STK10: variants seen among roughly 807,000 people sequenced by gnomAD.
STK10 encodes serine/threonine kinase 10.
STK10 carries 78 observed loss-of-function variants against 113.8 expected under a neutral mutation model. The observed-to-expected ratio is 0.69, with a 90% CI of 0.57 to 0.83. The LOEUF (loss-of-function observed/expected upper bound fraction) is 0.83, where lower values mean the gene tolerates loss of function less well. STK10 is among the 40% of genes least tolerant of loss of function. The pLI is 0.00. For synonymous variants in STK10, 465 were observed against 494.7 expected (o/e 0.94, Z 0.80); for missense variants, 1,109 against 1,280.1 (o/e 0.87, Z 2.04).
At position 172,161,631 on chromosome 5, in the gene STK10, T is replaced by C. The variant is rs181448784; in HGVS notation, c.157-4843A>G. Among the ~76,000 whole-genome samples, 78 of 152,296 alleles carry C rather than the reference T, an allele frequency of 5.1e-4. 2 individuals are homozygous for C. Among genetic ancestry groups the C allele is most frequent in the Admixed American group, 4.4e-3 (68 of 15,296 alleles). On this transcript the variant is annotated intron_variant, in intron 1 of 18. Transcript: ENST00000176763. ...GCCATTTGTCATATTATGTCATTGATAATAATATGTTGGAGTGGACCCTTG... is the reference window on the plus strand; with the variant it reads ...GCCATTTGTCATATTATGTCATTGACAATAATATGTTGGAGTGGACCCTTG...
Position 172,093,660 on chromosome 5 carries a change from C to T in STK10, c.1306G>A (p.Asp436Asn), listed in dbSNP as rs1298881381. The T allele has an allele frequency of 1.9e-6, 3 of 1,614,242 alleles. No homozygotes were observed. The highest frequency in any genetic ancestry group is 2.7e-5 in the African/African-American group (2 of 75,066). Residue 436 changes from aspartate (D) to asparagine (N), a missense_variant, in exon 9 of 19, where the codon GAC (aspartate) becomes AAC (asparagine). This residue lies in a region of STK10 where 885 missense variants were observed against 991.1 expected (regional missense o/e 0.89). Coordinates refer to ENST00000176763, the MANE Select transcript of STK10 (RefSeq NM_005990.4). The surrounding 1 kb of genome is among the most constrained non-coding windows in gnomAD (Gnocchi z 4.1). ...GATCTGTTGGCTGCTGGGCTGAGGT[C>T]CCCACCCTGCTCAGCAACTTGCTTC... Reference protein sequence around the residue: ...QEKQVAEQGGDLSPAANRSQK... With the variant: ...QEKQVAEQGGNLSPAANRSQK...
chr5:172,098,371 A>G (rs17074314), intron 7 of STK10, among the ~76,000 whole-genome samples: 2,808 of 152,260 alleles, frequency 0.018, 86 homozygotes, highest in African/African-American at 0.064. Flanking sequence ...GCTGAGACCC[A>G]AGGGAAAGAT....
At chr5:172,077,060 C>T (rs1011203186) in intron 12 of STK10, among the ~76,000 whole-genome samples, 4 of 152,198 alleles carry the variant, frequency 2.6e-5, no homozygotes, top group Admixed American at 6.5e-5. Flanking sequence ...CAGTATCCCC[C>T]GAGGACATTC....
At chr5:172,126,187 A>G (rs2113786683) in intron 3 of STK10, among the ~76,000 whole-genome samples, 1 of 152,304 alleles carries the variant, frequency 6.6e-6, no homozygotes, top group South Asian at 2.1e-4. Context: ...AGGATGGGCC[A>G]TGGTCCATGG....
intron 1 of STK10, among the ~76,000 whole-genome samples, chr5:172,180,917 A>G (rs1022242967): frequency 2.0e-5 from 3 of 152,226 alleles, no homozygotes; most frequent in Non-Finnish European, 4.4e-5. Context: ...CTCCAACACC[A>G]TCAACATACC....
intron 4 of STK10, among the ~76,000 whole-genome samples, chr5:172,111,877 T>C (rs1769245164): frequency 6.6e-6 from 1 of 152,230 alleles, no homozygotes; most frequent in Non-Finnish European, 1.5e-5. Flanking sequence ...CCTTTACTCA[T>C]ATATGTAAAA....
intron 2 of STK10, among the ~76,000 whole-genome samples, chr5:172,139,916 A>C (rs1421834504): frequency 6.6e-6 from 1 of 151,636 alleles, no homozygotes; most frequent in Non-Finnish European, 1.5e-5. Flanking sequence ...AAAAAAAAAA[A>C]AACCCAAAAA....
intron 1 of STK10, among the ~76,000 whole-genome samples, chr5:172,174,133 T>A (rs1770711422): frequency 6.6e-6 from 1 of 152,074 alleles, no homozygotes. Flanking sequence ...CACTCACTCA[T>A]CCTTTCAATT....
intron 1 of STK10, among the ~76,000 whole-genome samples, chr5:172,170,804 T>G (rs564301568): frequency 1.3e-5 from 2 of 152,318 alleles, no homozygotes; most frequent in Non-Finnish European, 1.5e-5. Flanking sequence ...AAAGGAGGCG[T>G]GAAAGGTGCC....
chr5:172,177,103 GGCGATCATGCCGCCAGTGAGCC>G (rs1445880268), intron 1 of STK10, among the ~76,000 whole-genome samples: 2 of 151,958 alleles, frequency 1.3e-5, no homozygotes, highest in African/African-American at 4.8e-5. Context: ...GAACCCAGGA[GGCGATCATGCCGCCAGTGAGCC>G]GCGATCATGC....
intron 2 of STK10, among the ~76,000 whole-genome samples, chr5:172,155,583 G>A (rs13355059): frequency 6.7e-6 from 1 of 150,036 alleles, no homozygotes; most frequent in Non-Finnish European, 1.5e-5. Flanking sequence ...TTGTTTATAA[G>A]AGCAAAATAA....
intron 1 of STK10, among the ~76,000 whole-genome samples, chr5:172,186,316 T>C (rs772349110): frequency 2.7e-5 from 4 of 150,346 alleles, no homozygotes; most frequent in Non-Finnish European, 5.9e-5. Context: ...GTGGGCCTGG[T>C]TGGTCTCAAA....
intron 1 of STK10, among the ~76,000 whole-genome samples, chr5:172,168,073 T>C (rs1437734320): frequency 6.6e-6 from 1 of 151,968 alleles, no homozygotes; most frequent in Non-Finnish European, 1.5e-5. Flanking sequence ...AAAGCCTGGG[T>C]GTGGGTCAGA....
chr5:172,147,903 G>T (rs1770118355), intron 2 of STK10, among the ~76,000 whole-genome samples: 1 of 152,174 alleles, frequency 6.6e-6, no homozygotes, highest in Non-Finnish European at 1.5e-5. Context: ...AGGGCTATGG[G>T]AGTTATGAGC....
Position 172,120,266 on chromosome 5 carries a change from T to G in STK10, c.371-2636A>C, listed in dbSNP as rs372307686. On this transcript the variant is annotated intron_variant, in intron 3 of 18. Coordinates refer to ENST00000176763, the MANE Select transcript of STK10 (RefSeq NM_005990.4). This position sits in a 1 kb window ranked among gnomAD's most constrained non-coding sequence, Gnocchi z 4.0. ...CCCTCTGCCTACAACAGCACTGCTG[T>G]GTCCGGCTTGCCTAGTGGTGCCTGG... 6.6e-6 allele frequency among the ~76,000 whole-genome samples: 1 copy of G among 152,172 alleles called. No homozygotes were observed. The highest frequency in any genetic ancestry group is 1.5e-5 in the Non-Finnish European group (1 of 68,010).
chr5:172,071,711 TAA>T (rs1384436573), intron 12 of STK10, among the ~76,000 whole-genome samples: 2 of 152,096 alleles, frequency 1.3e-5, no homozygotes, highest in African/African-American at 4.8e-5. Flanking sequence ...AGGCTCCCTT[TAA>T]AAGAGTCTCC....
At chr5:172,153,288 AAAAGAAAGAAAGAAAGAAAG>A (rs35446422) in intron 2 of STK10, among the ~76,000 whole-genome samples, 12 of 142,040 alleles carry the variant, frequency 8.4e-5, no homozygotes, top group South Asian at 4.6e-4. Flanking sequence ...CTCCATCTCA[AAAAGAAAGAAAGAAAGAAAG>A]AAAGAAAGAA....
intron 9 of STK10, among the ~76,000 whole-genome samples, chr5:172,090,579 G>A (rs909994935): frequency 2.0e-5 from 3 of 152,078 alleles, no homozygotes; most frequent in Non-Finnish European, 2.9e-5. Context: ...TTCAGAAACT[G>A]TGCTGAGGCC....
chr5:172,072,035 A>AAT (rs1650496478), intron 12 of STK10, among the ~76,000 whole-genome samples: 1 of 152,204 alleles, frequency 6.6e-6, no homozygotes, highest in African/African-American at 2.4e-5. Flanking sequence ...TGAGTCCAGT[A>AAT]ATATATAAAA....
Sources: allele counts gnomAD v4.1 joint callset (sites outside exome capture counted in the v4.1 genomes callset), GRCh38; gene constraint gnomAD v4.1.1; regional missense constraint gnomAD v4.1.1; non-coding constraint Gnocchi (gnomAD v3.1); transcripts MANE v1.5; gene names NCBI Gene and HGNC (gene_info 2026-07-23, HGNC 2026-07-21).